Variants in DGKB observed in about 807,000 individuals in gnomAD.
DGKB encodes 90 kDa diacylglycerol kinase.
A neutral mutation model predicts 114.3 loss-of-function variants in DGKB; 67 were observed. The ratio of observed to expected loss-of-function variants is 0.59; its 90% CI spans 0.48 to 0.72. The LOEUF is 0.72. Among genes scored for constraint, DGKB ranks in the 30% least tolerant of loss-of-function variants. DGKB has a pLI of 0.00. For synonymous variants in DGKB, 398 were observed against 323.1 expected (o/e 1.23, Z -2.49); for missense variants, 907 against 975.2 (o/e 0.93, Z 0.93).
At chr7:14,690,247 A>T (rs1399061847) in intron 9 of DGKB, among the ~76,000 whole-genome samples, 1 of 152,210 alleles carries the variant, frequency 6.6e-6, no homozygotes, top group African/African-American at 2.4e-5. Flanking sequence ...AGTATTAGGA[A>T]ACACTAACTT....
At chr7:14,489,098 G>T (rs1179546787) in intron 20 of DGKB, among the ~76,000 whole-genome samples, 2 of 152,106 alleles carry the variant, frequency 1.3e-5, no homozygotes, top group Admixed American at 6.6e-5. Flanking sequence ...TTACTAAGAT[G>T]ATCATAGGCC....
intron 21 of DGKB, among the ~76,000 whole-genome samples, chr7:14,474,962 G>T (rs948772785): frequency 6.6e-6 from 1 of 151,918 alleles, no homozygotes; most frequent in Admixed American, 6.6e-5. Context: ...TAGAAATTTG[G>T]AAAGAATATG....
chr7:14,626,563 C>T (rs551977135), intron 14 of DGKB, among the ~76,000 whole-genome samples: 26 of 152,264 alleles, frequency 1.7e-4, no homozygotes, highest in Non-Finnish European at 2.5e-4. Context: ...GCAGGGCTTA[C>T]GAAGGTTCGG....
chr7:14,870,123 A>G (rs1852238161), intron 1 of DGKB, among the ~76,000 whole-genome samples: 1 of 152,116 alleles, frequency 6.6e-6, no homozygotes, highest in South Asian at 2.1e-4. Flanking sequence ...ACCTGTATGA[A>G]AAACCTTTCT....
At chr7:14,214,190 T>G (rs966052015) in intron 23 of DGKB, among the ~76,000 whole-genome samples, 18 of 152,272 alleles carry the variant, frequency 1.2e-4, no homozygotes, top group African/African-American at 4.3e-4. Context: ...TTTCCAATTG[T>G]CTTTAGGATA....
At chr7:14,186,320 C>T (rs547375994) in intron 23 of DGKB, among the ~76,000 whole-genome samples, 3 of 152,262 alleles carry the variant, frequency 2.0e-5, no homozygotes, top group Admixed American at 6.5e-5. Flanking sequence ...GCTATACCAC[C>T]TTATTCCTGC....
intron 23 of DGKB, among the ~76,000 whole-genome samples, chr7:14,325,959 G>T (rs1808633553): frequency 6.6e-6 from 1 of 151,920 alleles, no homozygotes; most frequent in African/African-American, 2.4e-5. Context: ...TGTTTAAAAT[G>T]TATTGAGCTG....
chr7:14,431,123 C>G (rs1296599041), intron 21 of DGKB, among the ~76,000 whole-genome samples: 2 of 152,198 alleles, frequency 1.3e-5, no homozygotes, highest in Non-Finnish European at 2.9e-5. Flanking sequence ...TGTGTTGCCT[C>G]CGGGTTTTCT....
chr7:14,516,330 T>C (rs1788789041), intron 20 of DGKB, among the ~76,000 whole-genome samples: 1 of 152,146 alleles, frequency 6.6e-6, no homozygotes, highest in Non-Finnish European at 1.5e-5. Flanking sequence ...AAATCAAATA[T>C]CCACTCTCTC....
intron 13 of DGKB, among the ~76,000 whole-genome samples, chr7:14,648,379 G>A (rs1272637521): frequency 6.6e-6 from 1 of 152,078 alleles, no homozygotes; most frequent in Non-Finnish European, 1.5e-5. Flanking sequence ...CCCCCAGCAG[G>A]GGCACACTCA....
At chr7:14,466,191 C>T (rs531894201) in intron 21 of DGKB, among the ~76,000 whole-genome samples, 2 of 152,216 alleles carry the variant, frequency 1.3e-5, no homozygotes, top group African/African-American at 2.4e-5. Flanking sequence ...TTGAAAAATA[C>T]GAACAAGCGC....
intron 25 of DGKB, among the ~76,000 whole-genome samples, chr7:14,165,623 G>GA (rs1784511866): frequency 6.6e-6 from 1 of 152,078 alleles, no homozygotes; most frequent in African/African-American, 2.4e-5. Flanking sequence ...TAGACTATGG[G>GA]AAAAAAGTGA....
intron 17 of DGKB, among the ~76,000 whole-genome samples, chr7:14,597,543 TGTTACCCA>T (rs1802797830): frequency 6.6e-6 from 1 of 152,190 alleles, no homozygotes; most frequent in East Asian, 1.9e-4. Flanking sequence ...CGAAGAACAC[TGTTACCCA>T]ATAATATAAT....
intron 23 of DGKB, among the ~76,000 whole-genome samples, chr7:14,317,579 G>T (rs1378448972): frequency 2.0e-5 from 3 of 149,428 alleles, no homozygotes; most frequent in Admixed American, 2.0e-4. Flanking sequence ...AACTTACAAG[G>T]GATGTGAAGG....
intron 23 of DGKB, among the ~76,000 whole-genome samples, chr7:14,254,973 C>G (rs1011539): frequency 6.6e-6 from 1 of 152,002 alleles, no homozygotes; most frequent in African/African-American, 2.4e-5. Flanking sequence ...TTCTTTTAAA[C>G]GTGGCAAGGC....
At chr7:14,757,766 T>C (rs1835101111) in intron 2 of DGKB, 35 bp from the exon 3 acceptor site, 2 of 1,224,404 alleles carry the variant, frequency 1.6e-6, no homozygotes, top group Non-Finnish European at 2.4e-6. Context: ...ATTGTTTATA[T>C]GCACATACTG....
At chr7:14,320,766 A>T (rs1204130734) in intron 23 of DGKB, among the ~76,000 whole-genome samples, 1 of 152,026 alleles carries the variant, frequency 6.6e-6, no homozygotes, top group East Asian at 1.9e-4. Flanking sequence ...TTAGAGCCAT[A>T]CTCACAAGTG....
chr7:14,720,479 G>A (rs1255211380), intron 5 of DGKB, among the ~76,000 whole-genome samples: 12 of 33,580 alleles, frequency 3.6e-4, no homozygotes, highest in African/African-American at 1.5e-3. Context: ...TGATTTGTGT[G>A]TGTGTGTGTG....
At chr7:14,738,242 A>G (rs1832038876) in intron 4 of DGKB, among the ~76,000 whole-genome samples, 1 of 152,238 alleles carries the variant, frequency 6.6e-6, no homozygotes, top group South Asian at 2.1e-4. Flanking sequence ...CCAGGAGTTG[A>G]TTTTATTGCA....
Sources: gnomAD v4.1 joint callset for allele counts (sites outside exome capture counted in the v4.1 genomes callset) on GRCh38, gnomAD v4.1.1 for gene constraint, MANE v1.5 for transcripts, NCBI Gene and HGNC (gene_info 2026-07-23, HGNC 2026-07-21) for gene names.